Variants in MAGI1 observed in about 807,000 individuals in gnomAD.
MAGI1 encodes membrane-associated guanylate kinase, WW and PDZ domain-containing protein 1.
Under a neutral mutation model 139.9 loss-of-function variants are expected in MAGI1, and 58 were observed. The observed-to-expected ratio is 0.41, with a 90% CI of 0.34 to 0.52. The LOEUF is 0.52. Ranked by LOEUF, MAGI1 falls within the 20% of genes least tolerant of loss-of-function variation. MAGI1 has a pLI of 0.12. For missense variants in MAGI1, 1,874 were observed against 1,901.6 expected (o/e 0.99, Z 0.27); for synonymous variants, 812 against 737.9 (o/e 1.10, Z -1.63).
At chr3:65,759,580 G>T (rs989282274) in intron 1 of MAGI1, among the ~76,000 whole-genome samples, 1 of 152,236 alleles carries the variant, frequency 6.6e-6, no homozygotes, top group Admixed American at 6.5e-5. Flanking sequence ...GCCAGCAGCA[G>T]TGGGTGGGGG....
rs568761764 is a variant in MAGI1 at position 66,027,104 on chromosome 3, C to T, written c.313+10892G>A. ...CTAACACGGTGAAACCCCATCTCTA[C>T]TAAAAATACAAAAAATAGCCAGGCG... On this transcript the variant is annotated intron_variant, in intron 1 of 22. Transcript: ENST00000402939. Among the ~76,000 whole-genome samples the T allele has an allele frequency of 2.6e-5, 4 of 151,800 alleles. No individual in the cohort carries two copies. The East Asian group carries it at 5.8e-4, about 22-fold the overall frequency.
intron 1 of MAGI1, among the ~76,000 whole-genome samples, chr3:65,932,421 A>G (rs1221879769): frequency 1.3e-5 from 2 of 152,234 alleles, no homozygotes; most frequent in Non-Finnish European, 2.9e-5. Context: ...GCTCTCTCCC[A>G]TAGCAGGTAA....
chr3:65,851,145 G>C (rs1000448457), intron 1 of MAGI1, among the ~76,000 whole-genome samples: 2 of 152,084 alleles, frequency 1.3e-5, no homozygotes, highest in East Asian at 3.9e-4. Context: ...CAGGGACTTA[G>C]CTTTGTTCAC....
intron 2 of MAGI1, among the ~76,000 whole-genome samples, chr3:65,578,923 A>AAGAGAGAGAGAGAGAGAGAGAG (rs139290080): frequency 2.7e-5 from 4 of 145,756 alleles, no homozygotes; most frequent in East Asian, 2.1e-4. Flanking sequence ...TCTGTCTCCA[A>AAGAGAGAGAGAGAGAGAGAGAG]AGAGAGAGAG....
At position 65,572,029 on chromosome 3, in the gene MAGI1, G is replaced by C. The variant is rs1368219356; in HGVS notation, c.430+49943C>G. ...ACAAATTAGAAAAAAGTATACAGGA[G>C]AAAGGGACAGAAAAAGATTATCCTT... On this transcript the variant is annotated intron_variant, in intron 2 of 22. Transcript: ENST00000402939. Among the ~76,000 whole-genome samples, 5 of 152,038 alleles carry C rather than the reference G, an allele frequency of 3.3e-5. No individual in the cohort carries two copies. The East Asian group carries it at 9.7e-4, about 29-fold the overall frequency.
chr3:65,917,018 A>T (rs972053051), intron 1 of MAGI1, among the ~76,000 whole-genome samples: 1 of 152,314 alleles, frequency 6.6e-6, no homozygotes, highest in African/African-American at 2.4e-5. Context: ...CTTATATTTT[A>T]AATTTATAAT....
intron 2 of MAGI1, among the ~76,000 whole-genome samples, chr3:65,584,590 A>T (rs1386044182): frequency 6.6e-6 from 1 of 152,232 alleles, no homozygotes; most frequent in Non-Finnish European, 1.5e-5. Flanking sequence ...ATATAAAAGC[A>T]GAAGGAAGGA....
chr3:65,423,769 C>T (rs9311943), intron 12 of MAGI1, among the ~76,000 whole-genome samples: 149,135 of 152,296 alleles, frequency 0.98, 73,087 homozygotes, highest in Middle Eastern at 1. Context: ...GGAGCTAAGA[C>T]TGTATTTACT....
At chr3:65,838,332 A>G (rs956111605) in intron 1 of MAGI1, among the ~76,000 whole-genome samples, 1 of 152,136 alleles carries the variant, frequency 6.6e-6, no homozygotes, top group African/African-American at 2.4e-5. Context: ...AAACAAAAAC[A>G]AAAAAGATAC....
intron 2 of MAGI1, among the ~76,000 whole-genome samples, chr3:65,559,488 T>G (rs771001731): frequency 3.3e-5 from 5 of 152,232 alleles, no homozygotes; most frequent in Non-Finnish European, 5.9e-5. Context: ...ACTTTAAATT[T>G]TTTAATTTAA....
rs546326805 is a variant in MAGI1, at chr3:65,793,380, C to T, written c.314-171292G>A. On this transcript the variant is annotated intron_variant, in intron 1 of 22. Transcript: ENST00000402939. ...TGAGATGAACTCTCATTCACAGAGT[C>T]TGGGGCAATTAAACCAATTACTTTC... Among the ~76,000 whole-genome samples the T allele has an allele frequency of 3.3e-5, 5 of 152,282 alleles. No individual in the cohort carries two copies. In the East Asian group the frequency reaches 9.7e-4, roughly 29 times the overall value.
intron 2 of MAGI1, among the ~76,000 whole-genome samples, chr3:65,535,051 C>T (rs954272415): frequency 6.6e-6 from 1 of 151,858 alleles, no homozygotes; most frequent in Admixed American, 6.6e-5. Context: ...ATAACTCTGG[C>T]AGAATCCAAC....
Position 65,727,269 on chromosome 3 carries a change from A to T in MAGI1, c.314-105181T>A, listed in dbSNP as rs2033724495. On this transcript the variant is annotated intron_variant, in intron 1 of 22. Transcript: ENST00000402939. ...ATTTAAATGGAATTTTACCAGAGTT[A>T]GGAATTCACAGAACACAGTTTGAAA... 2.0e-5 allele frequency among the ~76,000 whole-genome samples: 3 copies of T among 152,372 alleles called. No homozygotes were observed. In the South Asian group the frequency reaches 6.2e-4, roughly 32 times the overall value.
Position 65,628,571 on chromosome 3 carries a change from A to G in MAGI1, c.314-6483T>C, listed in dbSNP as rs547793309. On this transcript the variant is annotated intron_variant, in intron 1 of 22. Transcript: ENST00000402939. ...AAGCAGCCTTTGCCTGGCACAAAATAAATCTCCAGACTCTCGGGGAAAAAA... is the reference window on the plus strand; with the variant it reads ...AAGCAGCCTTTGCCTGGCACAAAATGAATCTCCAGACTCTCGGGGAAAAAA... Among the ~76,000 whole-genome samples the G allele has an allele frequency of 3.9e-5, 6 of 152,032 alleles. No individual in the cohort carries two copies. The South Asian group carries it at 8.4e-4, about 21-fold the overall frequency.
intron 1 of MAGI1, among the ~76,000 whole-genome samples, chr3:65,803,759 C>G (rs1217029716): frequency 6.6e-6 from 1 of 152,124 alleles, no homozygotes; most frequent in African/African-American, 2.4e-5. Flanking sequence ...TCCACGTGTT[C>G]TCATCATTTA....
chr3:65,789,199 G>A (rs1357103894), intron 1 of MAGI1, among the ~76,000 whole-genome samples: 1 of 151,974 alleles, frequency 6.6e-6, no homozygotes, highest in Non-Finnish European at 1.5e-5. Context: ...ACAAACAAAT[G>A]ATAATAAATA....
intron 2 of MAGI1, among the ~76,000 whole-genome samples, chr3:65,515,362 ATGT>A (rs2077817449): frequency 6.6e-6 from 1 of 152,194 alleles, no homozygotes; most frequent in African/African-American, 2.4e-5. Context: ...ACTTTATAAA[ATGT>A]TGTGCAAGAA....
At chr3:65,590,980 A>G (rs925032347) in intron 2 of MAGI1, among the ~76,000 whole-genome samples, 6 of 152,222 alleles carry the variant, frequency 3.9e-5, no homozygotes, top group African/African-American at 1.4e-4. Context: ...TAAAATGTGC[A>G]TTCTCTTTAA....
chr3:65,606,188 T>C (rs1184886917), intron 2 of MAGI1, among the ~76,000 whole-genome samples: 2 of 152,152 alleles, frequency 1.3e-5, no homozygotes, highest in African/African-American at 4.8e-5. Context: ...TAGGAACTTA[T>C]CCAAGATCAC....
Sources: gnomAD v4.1 joint callset for allele counts (sites outside exome capture counted in the v4.1 genomes callset) on GRCh38, gnomAD v4.1.1 for gene constraint, MANE v1.5 for transcripts, NCBI Gene and HGNC (gene_info 2026-07-23, HGNC 2026-07-21) for gene names.